EXOC4: variants seen among roughly 807,000 people sequenced by gnomAD.
EXOC4 encodes the protein exocyst complex component 4.
In EXOC4, 71 loss-of-function variants were observed where a neutral mutation model predicts 107.2. The ratio of observed to expected loss-of-function variants is 0.66; its 90% confidence interval spans 0.55 to 0.81. The LOEUF (loss-of-function observed/expected upper bound fraction) is 0.81, where lower values mean the gene tolerates loss of function less well. EXOC4 is among the 30% of genes least tolerant of loss of function. The probability of loss-of-function intolerance (pLI) is 0.00; values close to 1 mark genes in which losing one functional copy is unlikely to be tolerated. For missense variants in EXOC4, 1,108 were observed against 1,189.6 expected (o/e 0.93, Z 1.01); for synonymous variants, 456 against 441.2 (o/e 1.03, Z -0.42).
chr7:133,874,690 G>C (rs1413614260), intron 11 of EXOC4, among the ~76,000 whole-genome samples: 1 of 152,206 alleles, frequency 6.6e-6, no homozygotes, highest in Non-Finnish European at 1.5e-5. Context: ...ACCAAAGACA[G>C]GTGAGCCTGC....
At chr7:133,441,775 A>G (rs1798109232) in intron 7 of EXOC4, among the ~76,000 whole-genome samples, 1 of 152,184 alleles carries the variant, frequency 6.6e-6, no homozygotes, top group South Asian at 2.1e-4. Flanking sequence ...ATGGCTTGCA[A>G]ATGATACAGT....
intron 7 of EXOC4, among the ~76,000 whole-genome samples, chr7:133,385,843 T>C (rs1393665870): frequency 6.6e-6 from 1 of 152,218 alleles, no homozygotes; most frequent in Non-Finnish European, 1.5e-5. Context: ...TGAGAATCCG[T>C]GATAACTTTC....
intron 14 of EXOC4, among the ~76,000 whole-genome samples, chr7:133,987,537 G>T (rs757931414): frequency 3.3e-5 from 5 of 152,176 alleles, no homozygotes; most frequent in Non-Finnish European, 2.9e-5. Context: ...TTTATCCCAA[G>T]TTAGAGTAGA....
intron 14 of EXOC4, among the ~76,000 whole-genome samples, chr7:133,941,821 T>TTCTCTCTCTCCC (rs1800435555): frequency 7.7e-6 from 1 of 129,544 alleles, no homozygotes; most frequent in Non-Finnish European, 1.7e-5. Flanking sequence ...TGCTTACAGA[T>TTCTCTCTCTCCC]TCTCTCTCTC....
At chr7:133,312,987 C>T (rs955841856) in intron 4 of EXOC4, among the ~76,000 whole-genome samples, 2 of 152,106 alleles carry the variant, frequency 1.3e-5, no homozygotes, top group Non-Finnish European at 2.9e-5. Flanking sequence ...GGGACATCGT[C>T]TAGCTCATGG....
intron 9 of EXOC4, among the ~76,000 whole-genome samples, chr7:133,499,872 A>G (rs963901595): frequency 6.6e-6 from 1 of 152,156 alleles, no homozygotes; most frequent in African/African-American, 2.4e-5. Flanking sequence ...TGCTTCCTGC[A>G]CAGCCTCCAG....
At chr7:133,599,206 G>T (rs2991226) in intron 9 of EXOC4, among the ~76,000 whole-genome samples, 35,484 of 151,936 alleles carry the variant, frequency 0.23, 4,876 homozygotes, top group African/African-American at 0.37. Flanking sequence ...TTACATATGT[G>T]ACCCACGTTA....
chr7:133,433,547 T>C (rs533729787), intron 7 of EXOC4, among the ~76,000 whole-genome samples: 2 of 152,314 alleles, frequency 1.3e-5, no homozygotes, highest in African/African-American at 4.8e-5. Context: ...TCCCAGATAA[T>C]GAGCATATAT....
intron 10 of EXOC4, among the ~76,000 whole-genome samples, chr7:133,723,006 G>C (rs1180423852): frequency 2.0e-5 from 3 of 152,172 alleles, no homozygotes; most frequent in Non-Finnish European, 4.4e-5. Flanking sequence ...TCCTCTATGA[G>C]TATTATTTAT....
At chr7:133,741,261 T>C (rs536987840) in intron 10 of EXOC4, among the ~76,000 whole-genome samples, 1 of 152,176 alleles carries the variant, frequency 6.6e-6, no homozygotes, top group Admixed American at 6.6e-5. Flanking sequence ...TCTGTTCTTA[T>C]TCATACCAGC....
the EXOC4 span, among the ~76,000 whole-genome samples, chr7:134,099,611 G>C: frequency 3.4e-5 from 5 of 149,240 alleles, no homozygotes; most frequent in East Asian, 9.9e-4. Context: ...CTCACTGCAG[G>C]CTCCGCCCCC....
intron 9 of EXOC4, among the ~76,000 whole-genome samples, chr7:133,492,506 T>C (rs1799391278): frequency 6.6e-6 from 1 of 152,206 alleles, no homozygotes; most frequent in South Asian, 2.1e-4. Flanking sequence ...CATAGTCTAA[T>C]CTTTTATCTT....
rs566950191 is a variant in EXOC4, at chr7:133,656,086, T to C, written c.1514+25945T>C. On this transcript the variant is annotated intron_variant, in intron 10 of 17. Transcript: ENST00000253861. ...AATCGTATTGGACCACCATGGTATA[T>C]ATAAGCAATCCATCCTTGACCGAAA... is the stretch of plus-strand genomic sequence containing the variant. Among the ~76,000 whole-genome samples the C allele has an allele frequency of 3.5e-4, 54 of 152,254 alleles. 1 individual carries two copies. Among genetic ancestry groups the C allele is most frequent in the African/African-American group, 1.2e-3 (48 of 41,548 alleles).
rs78130642 is a variant in EXOC4, at chr7:134,064,420, G to A, written c.2817G>A (p.Val939=). 43 of 1,607,926 alleles carry A rather than the reference G, an allele frequency of 2.7e-5. No individual in the cohort carries two copies. The Admixed American group carries it at 5.1e-4, about 19-fold the overall frequency. Residue 939 remains valine (V), a synonymous_variant, in exon 18 of 18, where the codon GTG becomes GTA. Transcript: ENST00000253861. ...TGCTGCACCGCAGCCAGACTGGGGTGGGGGAACTGACCACCCAGAACACGA... is the reference window on the plus strand; with the variant it reads ...TGCTGCACCGCAGCCAGACTGGGGTAGGGGAACTGACCACCCAGAACACGA... The part of the protein sequence containing the change: ...LTLLHRSQTG[V]GELTTQNTRL...
intron 3 of EXOC4, among the ~76,000 whole-genome samples, chr7:133,299,954 A>G (rs1794607171): frequency 6.6e-6 from 1 of 151,948 alleles, no homozygotes; most frequent in Non-Finnish European, 1.5e-5. Flanking sequence ...ACTAATAACA[A>G]CCCCTCATTT....
intron 5 of EXOC4, among the ~76,000 whole-genome samples, chr7:133,327,024 C>T (rs1329885557): frequency 6.6e-6 from 1 of 152,126 alleles, no homozygotes; most frequent in Non-Finnish European, 1.5e-5. Context: ...GGGATATAAT[C>T]TCCCGGTGTG....
At chr7:133,867,701 C>T (rs1355469878) in intron 11 of EXOC4, among the ~76,000 whole-genome samples, 1 of 152,252 alleles carries the variant, frequency 6.6e-6, no homozygotes, top group Non-Finnish European at 1.5e-5. Context: ...CATAGTATGA[C>T]CTGTAGGATA....
chr7:133,383,906 C>T (rs1389866181), intron 7 of EXOC4, among the ~76,000 whole-genome samples: 1 of 152,124 alleles, frequency 6.6e-6, no homozygotes, highest in Non-Finnish European at 1.5e-5. Context: ...AGTGCTTGCT[C>T]CTAGAATGTT....
Position 133,648,201 on chromosome 7 carries a change from A to G in EXOC4, c.1514+18060A>G, listed in dbSNP as rs538199346. On this transcript the variant is annotated intron_variant, in intron 10 of 17. Transcript: ENST00000253861. ...ATCTGCACAGATTAGGGTTGCCTCT[A>G]TTGCCAAAGAGGAGCACTTAAATAT... 1.2e-4 allele frequency among the ~76,000 whole-genome samples: 19 copies of G among 152,344 alleles called. No individual in the cohort carries two copies. In the South Asian group the frequency reaches 1.7e-3, roughly 13 times the overall value.
Sources: allele counts gnomAD v4.1 joint callset (sites outside exome capture counted in the v4.1 genomes callset), GRCh38; gene constraint gnomAD v4.1.1; transcripts MANE v1.5; gene names NCBI Gene and HGNC (gene_info 2026-07-23, HGNC 2026-07-21).